COL6A5: variants seen among roughly 807,000 people sequenced by gnomAD.
The protein encoded by COL6A5 is collagen type VI alpha 5 chain, also known as collagen alpha-5(VI) chain.
In COL6A5, 48 loss-of-function variants were observed where a neutral mutation model predicts 65.6. The observed-to-expected ratio is 0.73, with a 90% CI of 0.58 to 0.93. The LOEUF is 0.93. Among genes scored for constraint, COL6A5 ranks in the 40% least tolerant of loss-of-function variants. COL6A5 has a pLI of 0.00. For synonymous variants in COL6A5, 291 were observed against 322.8 expected (o/e 0.90, Z 1.05); for missense variants, 914 against 928.3 (o/e 0.98, Z 0.20).
At chr3:130,388,887 G>A in exon 6 of COL6A5, 3 of 1,549,154 alleles carry the variant, frequency 1.9e-6, no homozygotes, top group East Asian at 2.4e-5. Context: ...ACTCCAAGGG[G>A]GCCCGTTTGG....
chr3:130,429,855 T>G (rs1266509463), upstream of COL6A5, among the ~76,000 whole-genome samples: 1 of 152,200 alleles, frequency 6.6e-6, no homozygotes, highest in Non-Finnish European at 1.5e-5. Flanking sequence ...GGGGATTCAG[T>G]AAACATGGCT....
chr3:130,469,092 C>G, exon 6 of COL6A5: 1 of 1,612,996 alleles, frequency 6.2e-7, no homozygotes, highest in Non-Finnish European at 8.5e-7. Context: ...GATTTGGTTA[C>G]TTATAACAGT....
chr3:130,420,243 A>G (rs1472230389), intron 25 of COL6A5, among the ~76,000 whole-genome samples: 2 of 151,868 alleles, frequency 1.3e-5, no homozygotes, highest in Non-Finnish European at 2.9e-5. Flanking sequence ...GAAAAGGAAA[A>G]TTACTTATAA....
chr3:130,464,028 G>A (rs900080093), intron 5 of COL6A5, among the ~76,000 whole-genome samples: 1 of 151,982 alleles, frequency 6.6e-6, no homozygotes, highest in Admixed American at 6.6e-5. Flanking sequence ...AGAGAAAACT[G>A]GAAAAACAGT....
intron 5 of COL6A5, among the ~76,000 whole-genome samples, chr3:130,458,640 T>C (rs1013183919): frequency 9.2e-5 from 14 of 152,134 alleles, no homozygotes; most frequent in African/African-American, 3.1e-4. Flanking sequence ...CTGAAAACAA[T>C]TGGGTATCTA....
exon 1 of COL6A5, chr3:130,431,466 A>C (rs61744488): frequency 0.043 from 67,208 of 1,547,316 alleles, 1,724 homozygotes; most frequent in South Asian, 0.085. Flanking sequence ...TTTTTCTAGA[A>C]AAATGTCCAG....
intron 27 of COL6A5, 45 bp from the exon 28 acceptor site, chr3:130,422,675 T>C: frequency 8.1e-7 from 1 of 1,238,636 alleles, no homozygotes; most frequent in African/African-American, 1.5e-5. Context: ...AATTCTTTCA[T>C]AGCAAATACT....
At chr3:130,427,291 G>A (rs1027295539), upstream of COL6A5, among the ~76,000 whole-genome samples, 1 of 152,100 alleles carries the variant, frequency 6.6e-6, no homozygotes, top group Non-Finnish European at 1.5e-5. Flanking sequence ...GGAGATCTGT[G>A]TTTCTTCATT....
Position 130,388,211 on chromosome 3 carries a change from A to G in COL6A5, c.1862-369A>G, listed in dbSNP as rs575871920. ...CTGGAGTGTTAGTACTATGAGTGCAAGGAATTGATTGCTTTGGCTCTGGTT... is the reference window on the plus strand; with the variant it reads ...CTGGAGTGTTAGTACTATGAGTGCAGGGAATTGATTGCTTTGGCTCTGGTT... On this transcript the variant is annotated intron_variant and NMD_transcript_variant, in intron 5 of 41. Coordinates refer to the COL6A5 transcript ENST00000312481. 3.9e-5 allele frequency among the ~76,000 whole-genome samples: 6 copies of G among 152,242 alleles called. No individual in the cohort carries two copies. In the South Asian group the frequency reaches 1.2e-3, roughly 32 times the overall value.
In COL6A5 at chr3:130,413,443, C is replaced by T. The variant is rs1400146515; in HGVS notation, c.4663-102C>T. 16 of 1,085,480 alleles carry T rather than the reference C, an allele frequency of 1.5e-5. No homozygotes were observed. The East Asian group carries it at 3.9e-4, about 26-fold the overall frequency. The allele number at this position is 1,085,480 out of a possible 1,614,324, so 67.2% of individuals were successfully genotyped here. ...TCAGGGAAACTGTTTCTGTGAGCTG[C>T]TCATTACTTATGTCTAGCAGAGAAT... On this transcript the variant is annotated intron_variant and NMD_transcript_variant, in intron 20 of 41. Coordinates refer to the COL6A5 transcript ENST00000312481.
At chr3:130,418,227 C>G (rs927530765) in intron 24 of COL6A5, among the ~76,000 whole-genome samples, 1 of 151,944 alleles carries the variant, frequency 6.6e-6, no homozygotes, top group African/African-American at 2.4e-5. Context: ...GCTATTTGCC[C>G]CATTTCATTC....
chr3:130,430,343 G>A (rs1937749324), upstream of COL6A5, among the ~76,000 whole-genome samples: 1 of 151,942 alleles, frequency 6.6e-6, no homozygotes, highest in South Asian at 2.1e-4. Flanking sequence ...ATTTCTTCAT[G>A]GTAAAATTCT....
At chr3:130,373,234 G>C (rs1287880253) in intron 1 of COL6A5, among the ~76,000 whole-genome samples, 1 of 152,282 alleles carries the variant, frequency 6.6e-6, no homozygotes, top group South Asian at 2.1e-4. Flanking sequence ...TGGTTAAGAG[G>C]TTAGGTGATG....
intron 7 of COL6A5, 29 bp downstream of exon 40, chr3:130,471,955 C>T (rs1031517365): frequency 6.6e-7 from 1 of 1,519,696 alleles, no homozygotes; most frequent in African/African-American, 1.4e-5. Context: ...GAGCTGAAGA[C>T]CCTCAAGTAC....
upstream of COL6A5, among the ~76,000 whole-genome samples, chr3:130,428,403 AAAG>A (rs1413312593): frequency 3.3e-5 from 5 of 152,162 alleles, no homozygotes; most frequent in Non-Finnish European, 7.4e-5. Context: ...TTGGAAAATA[AAAG>A]AAGGTGTCTA....
At chr3:130,408,917 A>G (rs1393978915) in intron 17 of COL6A5, among the ~76,000 whole-genome samples, 2 of 152,230 alleles carry the variant, frequency 1.3e-5, no homozygotes, top group African/African-American at 2.4e-5. Context: ...GTCCAATACC[A>G]TAGCCACTAA....
intron 4 of COL6A5, among the ~76,000 whole-genome samples, chr3:130,452,746 G>C (rs184259989): frequency 3.9e-5 from 6 of 152,074 alleles, no homozygotes; most frequent in Non-Finnish European, 7.4e-5. Context: ...AATTTATTAG[G>C]TGGGAATTTC....
chr3:130,384,914 A>G, exon 5 of COL6A5: 2 of 1,550,986 alleles, frequency 1.3e-6, no homozygotes, highest in African/African-American at 1.4e-5. Context: ...AGTGACAGAA[A>G]TGTTTAGCAT....
At chr3:130,378,497 C>A (rs1327671801) in intron 3 of COL6A5, among the ~76,000 whole-genome samples, 1 of 152,080 alleles carries the variant, frequency 6.6e-6, no homozygotes, top group Admixed American at 6.6e-5. Flanking sequence ...GCCATTGTTT[C>A]TTAATTATTA....
Sources: allele counts gnomAD v4.1 joint callset (sites outside exome capture counted in the v4.1 genomes callset), GRCh38; gene constraint gnomAD v4.1.1; transcripts MANE v1.5; gene names NCBI Gene and HGNC (gene_info 2026-07-23, HGNC 2026-07-21).